The following TELO2 variants were observed in gnomAD, a reference collection of about 807,000 sequenced individuals.
TELO2 encodes the protein telomere length regulation protein TEL2 homolog.
Under a neutral mutation model 91.0 loss-of-function variants are expected in TELO2, and 71 were observed. The ratio of observed to expected loss-of-function variants is 0.78; its 90% CI spans 0.64 to 0.95. The LOEUF (loss-of-function observed/expected upper bound fraction) is 0.95. TELO2 is among the 40% of genes least tolerant of loss of function. The pLI is 0.00. For missense variants in TELO2, 1,183 were observed against 1,141.3 expected, an observed-to-expected ratio of 1.04 and a Z score of -0.53; for synonymous variants, 584 against 518.9, an observed-to-expected ratio of 1.13 and a Z score of -1.71.
At position 1,506,999 on chromosome 16, in the gene TELO2, G is replaced by A; in HGVS notation, c.2174G>A (p.Gly725Glu). The change falls in exon 18 of 21, where the codon GGA becomes GAA. Residue 725 changes from glycine to glutamate, a missense_variant. Transcript: ENST00000262319. ...DLLGEDQLVL[G>E]RLAHTLGALM... Reference sequence around the variant, plus strand: ...TTGGGAGAAGACCAGCTGGTTCTCGGAAGGCTGGCGCACACCTTAGGGGCC... The same window carrying A: ...TTGGGAGAAGACCAGCTGGTTCTCGAAAGGCTGGCGCACACCTTAGGGGCC... 6.2e-7 allele frequency: 1 copy of A among 1,612,264 alleles called. No individual in the cohort carries two copies. The highest frequency in any genetic ancestry group is 8.5e-7 in the Non-Finnish European group (1 of 1,179,318).
rs1400937709 is a variant in TELO2 at position 1,499,431 on chromosome 16, C to A, written c.933+98C>A. 6 of 1,372,104 alleles carry A rather than the reference C, an allele frequency of 4.4e-6. No individual in the cohort carries two copies. The South Asian group carries it at 4.7e-5, about 11-fold the overall frequency. 85.0% of individuals were successfully genotyped at this position (1,372,104 alleles called of 1,614,324 possible). On this transcript the variant is annotated intron_variant, in intron 6 of 20. Transcript: ENST00000262319. ...GGAGCGGTGTCTGCTGCCTGGGAGACCCTGCCTGTGATTTGGCAGTGGCTG... is the reference window on the plus strand; with the variant it reads ...GGAGCGGTGTCTGCTGCCTGGGAGAACCTGCCTGTGATTTGGCAGTGGCTG...
At chr16:1,498,453 T>G (rs965676023) in intron 5 of TELO2, among the ~76,000 whole-genome samples, 6 of 152,098 alleles carry the variant, frequency 3.9e-5, no homozygotes, top group African/African-American at 1.4e-4. Flanking sequence ...GGGATTGTTT[T>G]TAGAGACAGG....
Position 1,505,307 on chromosome 16 carries a change from G to GGGCGGGCC in TELO2, c.1843-102_1843-95dup, listed in dbSNP as rs2039849347. ...CCCAGAACACACCTTCTCCCAGGCT[G>GGGCGGGCC]GGCGGGCCCCCGGGCCCGTTTCTGG... On this transcript the variant is annotated intron_variant, in intron 15 of 20. Coordinates refer to ENST00000262319, the MANE Select transcript of TELO2 (RefSeq NM_016111.4). This position sits in a 1 kb window ranked among gnomAD's most constrained non-coding sequence, Gnocchi z 4.3. 1 of 1,356,984 alleles carries GGGCGGGCC rather than the reference G, an allele frequency of 7.4e-7. No individual in the cohort carries two copies. The highest frequency in any genetic ancestry group is 1.0e-6 in the Non-Finnish European group (1 of 1,000,552). 84.1% of individuals were successfully genotyped at this position (1,356,984 alleles called of 1,614,324 possible).
At position 1,509,678 on chromosome 16, in the gene TELO2, C is replaced by T. The variant is rs148126152; in HGVS notation, c.2408-152C>T. The stretch of plus-strand genomic sequence containing the variant: ...GCCTGTGGCATGCAGGCCCCAAGGC[C>T]GTGGGGAGAGTCCGGGGTCACTGCA... On this transcript the variant is annotated intron_variant, in intron 20 of 20. Coordinates refer to ENST00000262319, the MANE Select transcript of TELO2 (RefSeq NM_016111.4). The T allele has an allele frequency of 5.7e-3, 3,893 of 679,736 alleles. 19 individuals carry two copies. The highest frequency in any genetic ancestry group is 8.2e-3 in the Non-Finnish European group (3,257 of 399,590). The allele number at this position is 679,736 out of a possible 1,614,324, so 42.1% of individuals were successfully genotyped here.
rs1483815114 is a variant in TELO2, at chr16:1,507,042, T to A, written c.2217T>A (p.Val739=). Residue 739 remains valine (V), a synonymous_variant, in exon 18 of 21, where the codon GTT becomes GTA. Coordinates refer to ENST00000262319, the MANE Select transcript of TELO2 (RefSeq NM_016111.4). ...HTLGALMCLA[V]NTTVAVAMGK... is the part of the protein sequence containing the mutation. ...TAGGGGCCCTGATGTGCCTGGCTGT[T>A]AACACCACGGTGAGCCGGGAGAGGT... 6.2e-7 allele frequency: 1 copy of A among 1,608,642 alleles called. No individual in the cohort carries two copies. The highest frequency in any genetic ancestry group is 8.5e-7 in the Non-Finnish European group (1 of 1,177,618).
Position 1,501,707 on chromosome 16 carries a change from C to G in TELO2, c.1406C>G (p.Pro469Arg), listed in dbSNP as rs759546731. ...ACGGCAGAGCCCCCTGCAGAGACCC[C>G]CGCAGAGATCGTGGATGGCGGCGTC... ...PATAEPPAET[P>R]AEIVDGGVPQ... The change falls in exon 11 of 21, where the codon CCC becomes CGC. Residue 469 changes from proline to arginine, a missense_variant. By Grantham distance (103) the Pro-to-Arg change is moderately radical (BLOSUM62 -2). Transcript: ENST00000262319. The G allele has an allele frequency of 8.7e-6, 14 of 1,612,958 alleles. No individual in the cohort carries two copies. In the Admixed American group the frequency reaches 2.2e-4, roughly 25 times the overall value.
intron 20 of TELO2, among the ~76,000 whole-genome samples, chr16:1,509,553 C>T (rs1235818128): frequency 6.6e-6 from 1 of 152,262 alleles, no homozygotes; most frequent in Non-Finnish European, 1.5e-5. Context: ...GCTGGTGTTC[C>T]CGGGTTCCCC....
chr16:1,504,905 C>A (rs969178158), intron 15 of TELO2, among the ~76,000 whole-genome samples: 3 of 152,100 alleles, frequency 2.0e-5, no homozygotes, highest in African/African-American at 7.2e-5. Flanking sequence ...GTCCTTATCA[C>A]CCCAGAGGGA....
rs962757765 is a variant in TELO2, at chr16:1,507,110, C to T, written c.2226+59C>T. Reference sequence around the variant, plus strand: ...TGCTAACCATGGATCAGGAGCGCTCCTCAGCCTCACCTGCGCCCAGGGATG... The same window carrying T: ...TGCTAACCATGGATCAGGAGCGCTCTTCAGCCTCACCTGCGCCCAGGGATG... On this transcript the variant is annotated intron_variant, in intron 18 of 20. Coordinates refer to ENST00000262319, the MANE Select transcript of TELO2 (RefSeq NM_016111.4). The T allele has an allele frequency of 3.6e-5, 56 of 1,537,234 alleles. No individual in the cohort carries two copies. The African/African-American group carries it at 4.1e-4, about 11-fold the overall frequency.
chr16:1,494,700 C>T lies in TELO2; in HGVS notation c.335+84C>T, dbSNP rs911321782. The T allele has an allele frequency of 1.4e-6, 2 of 1,393,720 alleles. No homozygotes were observed. 86.3% of individuals were successfully genotyped at this position (1,393,720 alleles called of 1,614,324 possible). The stretch of plus-strand genomic sequence containing the variant: ...TTGAAGGACTGGACCAAGAGCCTCT[C>T]TAGTCCCTGTGAGGGGCTAGAGAGA... On this transcript the variant is annotated intron_variant, in intron 2 of 20. Transcript: ENST00000262319. This position sits in a 1 kb window ranked among gnomAD's most constrained non-coding sequence, Gnocchi z 5.6.
intron 20 of TELO2, among the ~76,000 whole-genome samples, chr16:1,509,349 C>A (rs1293657403): frequency 6.6e-6 from 1 of 152,210 alleles, no homozygotes; most frequent in African/African-American, 2.4e-5. Context: ...CCCCAAGGCT[C>A]CCCGGGGCCC....
chr16:1,500,263 C>A (rs1410973911), intron 7 of TELO2, 84 bp from the exon 8 acceptor site: 1 of 1,529,186 alleles, frequency 6.5e-7, no homozygotes, highest in Non-Finnish European at 8.8e-7. Context: ...TGGGCTGGGG[C>A]GGAGCTCCCT....
At chr16:1,504,760 T>C (rs1269211983) in intron 15 of TELO2, among the ~76,000 whole-genome samples, 1 of 151,780 alleles carries the variant, frequency 6.6e-6, no homozygotes, top group African/African-American at 2.4e-5. Flanking sequence ...GGTTTCACTG[T>C]GTTAGCCAGG....
chr16:1,501,500 G>A lies in TELO2; in HGVS notation c.1361+1G>A. 6.2e-7 allele frequency: 1 copy of A among 1,607,152 alleles called. No individual in the cohort carries two copies. Among genetic ancestry groups the A allele is most frequent in the East Asian group, 2.2e-5 (1 of 44,722 alleles). On this transcript the variant is annotated splice_donor_variant, in intron 10 of 20. Transcript: ENST00000262319. LOFTEE classifies it high-confidence loss of function. ...CGGGTGACGGCGCCTCGGAGGCGGG[G>A]TGAGGGTCTCTGCCCCCCGGGACCC...
chr16:1,500,420 A>C lies in TELO2; in HGVS notation c.1076A>C (p.His359Pro). 1 of 1,606,966 alleles carries C rather than the reference A, an allele frequency of 6.2e-7. No homozygotes were observed. Among genetic ancestry groups the C allele is most frequent in the Non-Finnish European group, 8.5e-7 (1 of 1,177,932 alleles). ...CACACTCCCCTGCCGCAGCAGCGCC[A>C]CGTCAGCAAGGCTGTCCTCATCTGC... ...IRHTPLPQQR[H>P]VSKAVLICLA... The change falls in exon 8 of 21, where the codon CAC (histidine) becomes CCC (proline). Residue 359 changes from histidine (H) to proline (P), a missense_variant. Transcript: ENST00000262319.
intron 20 of TELO2, 115 bp downstream of exon 20, chr16:1,507,831 T>A (rs775001755): frequency 3.9e-5 from 22 of 570,316 alleles, no homozygotes; most frequent in South Asian, 1.4e-4. Context: ...TGTGTGTGTG[T>A]GATGTGTGTT....
chr16:1,501,496 C>G lies in TELO2; in HGVS notation c.1358C>G (p.Ala453Gly), dbSNP rs774629694. 2 of 1,607,686 alleles carry G rather than the reference C, an allele frequency of 1.2e-6. No homozygotes were observed. Among genetic ancestry groups the G allele is most frequent in the African/African-American group, 1.3e-5 (1 of 74,830 alleles). The change falls in exon 10 of 21, where the codon GCG (alanine) becomes GGG (glycine). Residue 453 changes from alanine to glycine, a missense_variant. Transcript: ENST00000262319. ...CCTGCGGGTGACGGCGCCTCGGAGG[C>G]GGGGTGAGGGTCTCTGCCCCCCGGG... ...PQPAGDGASE[A>G]GTSLVPATAE...
In TELO2 at chr16:1,505,613, C is replaced by T. The variant is rs1441490326; in HGVS notation, c.2034+12C>T. On this transcript the variant is annotated intron_variant, in intron 16 of 20. Coordinates refer to ENST00000262319, the MANE Select transcript of TELO2 (RefSeq NM_016111.4). This position sits in a 1 kb window ranked among gnomAD's most constrained non-coding sequence, Gnocchi z 4.3. ...AGCGGCTCTCCAAGGTTAGTGGCGCCTGGTCAGCTCCTCACGGGCATGGGG... is the reference window on the plus strand; with the variant it reads ...AGCGGCTCTCCAAGGTTAGTGGCGCTTGGTCAGCTCCTCACGGGCATGGGG... 2 of 1,491,530 alleles carry T rather than the reference C, an allele frequency of 1.3e-6. No individual in the cohort carries two copies. The highest frequency in any genetic ancestry group is 1.8e-6 in the Non-Finnish European group (2 of 1,099,654). 92.4% of individuals were successfully genotyped at this position (1,491,530 alleles called of 1,614,324 possible).
At chr16:1,498,491 G>A (rs2039569652) in intron 5 of TELO2, among the ~76,000 whole-genome samples, 1 of 152,102 alleles carries the variant, frequency 6.6e-6, no homozygotes, top group South Asian at 2.1e-4. Flanking sequence ...AGGCTGCAGT[G>A]CAGTGGTGTG....
Sources: allele counts gnomAD v4.1 joint callset (sites outside exome capture counted in the v4.1 genomes callset), GRCh38; gene constraint gnomAD v4.1.1; non-coding constraint Gnocchi (gnomAD v3.1); transcripts MANE v1.5; gene names NCBI Gene and HGNC (gene_info 2026-07-23, HGNC 2026-07-21).